Variants in TARS3 observed in about 807,000 individuals in gnomAD.
TARS3 encodes threonyl-tRNA synthetase 3.
TARS3 carries 94 observed loss-of-function variants against 103.5 expected under a neutral mutation model. The observed-to-expected ratio is 0.91, with a 90% CI of 0.77 to 1.08. TARS3 has a LOEUF of 1.08. TARS3 is among the 50% of genes least tolerant of loss of function. The probability of loss-of-function intolerance (pLI) is 0.00; values close to 1 mark genes in which losing one functional copy is unlikely to be tolerated. For missense variants in TARS3, 952 were observed against 995.2 expected (o/e 0.96, Z 0.58); for synonymous variants, 416 against 355.4 (o/e 1.17, Z -1.92).
chr15:101,658,665 C>T (rs1446942070), intron 16 of TARS3, among the ~76,000 whole-genome samples: 1 of 152,138 alleles, frequency 6.6e-6, no homozygotes, highest in Non-Finnish European at 1.5e-5. Flanking sequence ...GCATGTGAGG[C>T]TGGTGAAATC....
At chr15:101,702,443 G>A in intron 8 of TARS3, 58 bp from the exon 9 acceptor site, 1 of 1,409,268 alleles carries the variant, frequency 7.1e-7, no homozygotes, top group East Asian at 2.3e-5. Context: ...AAGTAAAACT[G>A]CTCTTAAATA....
intron 5 of TARS3, among the ~76,000 whole-genome samples, chr15:101,711,063 G>A (rs756510798): frequency 6.6e-6 from 1 of 152,234 alleles, no homozygotes; most frequent in Non-Finnish European, 1.5e-5. Context: ...ATCCCTGTCC[G>A]GCACTCAACT....
intron 4 of TARS3, 69 bp from the exon 5 acceptor site, chr15:101,712,070 T>C (rs893196715): frequency 3.1e-5 from 47 of 1,509,814 alleles, no homozygotes; most frequent in Non-Finnish European, 4.2e-5. Flanking sequence ...AGTAAAATGA[T>C]GTAAACCAGT....
At chr15:101,684,051 G>A (rs1245379900) in intron 12 of TARS3, 24 bp downstream of exon 12, 1 of 1,603,604 alleles carries the variant, frequency 6.2e-7, no homozygotes, top group Admixed American at 1.7e-5. Context: ...TGACCACACT[G>A]CTTCACTCTG....
rs1897105399 is a variant in TARS3 at position 101,653,993 on chromosome 15, A to G, written c.*589T>C. 1 of 152,280 alleles carries G rather than the reference A, an allele frequency of 6.6e-6. No homozygotes were observed. Among genetic ancestry groups the G allele is most frequent in the African/African-American group, 2.4e-5 (1 of 41,466 alleles). 9.4% of individuals were successfully genotyped at this position (152,280 alleles called of 1,614,324 possible). ...TAAAGCGGAACAAAACCTAATTATG[A>G]ATAAGAAACATTTAAATGGCAACTC... is the stretch of plus-strand genomic sequence containing the variant. On this transcript the variant is annotated 3_prime_UTR_variant, in exon 19 of 19. Transcript: ENST00000335968.
At position 101,654,707 on chromosome 15, in the gene TARS3, CTA is replaced by C. The variant is rs754539045; in HGVS notation, c.2282_2283del (p.Ile761ArgfsTer2). The C allele has an allele frequency of 6.2e-7, 1 of 1,613,696 alleles. No individual in the cohort carries two copies. Among genetic ancestry groups the C allele is most frequent in the South Asian group, 1.1e-5 (1 of 90,956 alleles). On this transcript the variant is annotated frameshift_variant, in exon 19 of 19. Coordinates refer to ENST00000335968, the MANE Select transcript of TARS3 (RefSeq NM_152334.3). LOFTEE classifies it high-confidence loss of function. The part of the protein sequence containing the change: ...FILVVGEKEK[I>X]DNAVNVRTRD... ...CTTGTTCGCACGTTTACAGCATTAT[CTA>C]TCTTTTCCTTTTCTCCAACCACTGC...
intron 16 of TARS3, 141 bp downstream of exon 16, chr15:101,661,570 AG>A: frequency 3.8e-6 from 2 of 523,682 alleles, no homozygotes; most frequent in Non-Finnish European, 6.7e-6. Flanking sequence ...AAGGCAGGAA[AG>A]GCCCTTTCTT....
At chr15:101,685,484 G>T (rs940374185) in intron 11 of TARS3, among the ~76,000 whole-genome samples, 3 of 152,096 alleles carry the variant, frequency 2.0e-5, no homozygotes, top group Non-Finnish European at 4.4e-5. Flanking sequence ...AAGAAAAATG[G>T]TATCTTGGAA....
At chr15:101,708,661 A>G (rs1335352537) in intron 6 of TARS3, 132 bp downstream of exon 6, 1 of 683,406 alleles carries the variant, frequency 1.5e-6, no homozygotes, top group Non-Finnish European at 2.6e-6. Flanking sequence ...ACTGGTAACA[A>G]CCTCACAGTA....
chr15:101,673,401 C>T (rs1235738106), intron 13 of TARS3, among the ~76,000 whole-genome samples: 1 of 152,182 alleles, frequency 6.6e-6, no homozygotes, highest in Non-Finnish European at 1.5e-5. Flanking sequence ...GGCACTTACA[C>T]GTGCCTGGCA....
At chr15:101,656,123 T>C in intron 18 of TARS3, 1 of 1,126,296 alleles carries the variant, frequency 8.9e-7, no homozygotes, top group South Asian at 1.3e-5. Flanking sequence ...AGGGTTGAGC[T>C]CCTGATTGCT....
chr15:101,709,016 A>C, intron 5 of TARS3, 106 bp from the exon 6 acceptor site: 2 of 727,226 alleles, frequency 2.8e-6, no homozygotes, highest in South Asian at 3.7e-5. Context: ...CTGCTGTCTT[A>C]TTGTTCCAGG....
intron 1 of TARS3, among the ~76,000 whole-genome samples, chr15:101,723,711 G>A (rs1900607538): frequency 6.6e-6 from 1 of 152,118 alleles, no homozygotes; most frequent in South Asian, 2.1e-4. Context: ...CAACAAAAAA[G>A]AACCAGAGGG....
At chr15:101,658,392 G>A (rs1209052606) in intron 16 of TARS3, among the ~76,000 whole-genome samples, 1 of 149,370 alleles carries the variant, frequency 6.7e-6, no homozygotes, top group African/African-American at 2.5e-5. Context: ...GAATTCCACT[G>A]AGTGAAAAAA....
chr15:101,688,490 G>A (rs1898570310), intron 10 of TARS3, among the ~76,000 whole-genome samples: 2 of 152,062 alleles, frequency 1.3e-5, no homozygotes, highest in Non-Finnish European at 1.5e-5. Context: ...GTTATTGAAG[G>A]AGCTGAGTCT....
At chr15:101,687,806 T>C (rs1352884551) in intron 10 of TARS3, among the ~76,000 whole-genome samples, 3 of 152,106 alleles carry the variant, frequency 2.0e-5, no homozygotes, top group Admixed American at 2.0e-4. Context: ...AGAGCCCTCA[T>C]GAATGAGATT....
chr15:101,687,999 C>G (rs1596306053), intron 10 of TARS3, among the ~76,000 whole-genome samples: 2 of 152,098 alleles, frequency 1.3e-5, no homozygotes, highest in East Asian at 3.9e-4. Context: ...TGTTTATAAG[C>G]TACCCAGTCT....
At chr15:101,668,573 TG>T (rs1897672545) in intron 15 of TARS3, among the ~76,000 whole-genome samples, 1 of 152,178 alleles carries the variant, frequency 6.6e-6, no homozygotes, top group African/African-American at 2.4e-5. Context: ...CCCATGCTGT[TG>T]GAAAAATGGC....
At chr15:101,700,910 G>C (rs1046034249) in intron 10 of TARS3, among the ~76,000 whole-genome samples, 176 bp downstream of exon 10, 1 of 152,096 alleles carries the variant, frequency 6.6e-6, no homozygotes, top group Non-Finnish European at 1.5e-5. Context: ...CCAAAGTGCT[G>C]GGATTATAGG....
Sources: allele counts gnomAD v4.1 joint callset (sites outside exome capture counted in the v4.1 genomes callset), GRCh38; gene constraint gnomAD v4.1.1; transcripts MANE v1.5; gene names NCBI Gene and HGNC (gene_info 2026-07-23, HGNC 2026-07-21).